The following GSE1 variants were observed in gnomAD, a reference collection of about 807,000 sequenced individuals.
GSE1 encodes genetic suppressor element 1.
A neutral mutation model predicts 112.6 loss-of-function variants in GSE1; 32 were observed. That is an observed-to-expected ratio of 0.28 (90% CI 0.21 to 0.38). GSE1 has a LOEUF of 0.38. GSE1 is among the 10% of genes least tolerant of loss of function. GSE1 has a pLI of 1.00. For missense variants in GSE1, 2,348 were observed against 1,699.2 expected, an observed-to-expected ratio of 1.38 and a Z score of -6.71; for synonymous variants, 1,115 against 735.6, an observed-to-expected ratio of 1.52 and a Z score of -8.35.
intron 2 of GSE1, among the ~76,000 whole-genome samples, chr16:85,636,476 C>T (rs190893797): frequency 6.6e-6 from 1 of 152,334 alleles, no homozygotes; most frequent in African/African-American, 2.4e-5. Context: ...GTGACTCGTT[C>T]CTCGTGACCT....
chr16:85,201,439 C>T (rs1236365957), intron 1 of GSE1, among the ~76,000 whole-genome samples: 2 of 151,198 alleles, frequency 1.3e-5, no homozygotes, highest in Non-Finnish European at 2.9e-5. Flanking sequence ...CGGTGGATTG[C>T]TTGAGGTCAG....
intron 2 of GSE1, among the ~76,000 whole-genome samples, chr16:85,389,968 A>G (rs2047800045): frequency 6.6e-6 from 1 of 152,200 alleles, no homozygotes; most frequent in African/African-American, 2.4e-5. Flanking sequence ...CCCAGGGGAA[A>G]GTGAGGCATG....
intron 2 of GSE1, among the ~76,000 whole-genome samples, chr16:85,516,457 CAAAAAAAAA>C (rs71151299): frequency 1.6e-4 from 11 of 69,444 alleles, no homozygotes; most frequent in African/African-American, 4.1e-4. Flanking sequence ...CCCATCTCTA[CAAAAAAAAA>C]AAAAAAAAAA....
intron 1 of GSE1, among the ~76,000 whole-genome samples, chr16:85,592,115 G>T (rs1157148188): frequency 6.6e-6 from 1 of 152,004 alleles, no homozygotes; most frequent in African/African-American, 2.4e-5. Flanking sequence ...GAGCTTTTCT[G>T]TGCAGATTTT....
intron 1 of GSE1, among the ~76,000 whole-genome samples, chr16:85,242,709 C>G (rs1905260474): frequency 6.6e-6 from 1 of 152,196 alleles, no homozygotes; most frequent in African/African-American, 2.4e-5. Flanking sequence ...AATGCTGGCC[C>G]TGCTCCTGGG....
chr16:85,587,787 G>A (rs559557460), intron 1 of GSE1, among the ~76,000 whole-genome samples: 3 of 152,120 alleles, frequency 2.0e-5, no homozygotes, highest in African/African-American at 7.2e-5. Flanking sequence ...TTTCCTGCCG[G>A]TTGGCAAAGA....
intron 1 of GSE1, among the ~76,000 whole-genome samples, chr16:85,220,395 G>A (rs2075370877): frequency 6.6e-6 from 1 of 152,212 alleles, no homozygotes; most frequent in African/African-American, 2.4e-5. Flanking sequence ...CGGCGGCGCA[G>A]ATGGAAACTC....
At chr16:85,403,411 C>T (rs983898604) in intron 2 of GSE1, among the ~76,000 whole-genome samples, 1 of 152,178 alleles carries the variant, frequency 6.6e-6, no homozygotes, top group Non-Finnish European at 1.5e-5. Context: ...CTGCCCCCAA[C>T]ACTGAGTGTT....
intron 2 of GSE1, among the ~76,000 whole-genome samples, chr16:85,442,045 C>A (rs1281539641): frequency 1.3e-5 from 2 of 152,210 alleles, no homozygotes; most frequent in Admixed American, 1.3e-4. Context: ...GCCACACTGA[C>A]CACCTTGCTG....
In GSE1 at chr16:85,260,180, A is replaced by G. The variant is rs934458273; in HGVS notation, c.2283+88373A>G. Among the ~76,000 whole-genome samples, 50 of 152,144 alleles carry G rather than the reference A, an allele frequency of 3.3e-4. 1 individual carries two copies. The highest frequency in any genetic ancestry group is 1.1e-3 in the African/African-American group (47 of 41,444). Reference sequence around the variant, plus strand: ...TCCAGACTGGGGCTCACGGCAGCCCACTGCCCTCCCATGGTACCTGGACAC... The same window carrying G: ...TCCAGACTGGGGCTCACGGCAGCCCGCTGCCCTCCCATGGTACCTGGACAC... On this transcript the variant is annotated intron_variant, in intron 1 of 2. Coordinates refer to the GSE1 transcript ENST00000637419.
intron 3 of GSE1, 111 bp from the exon 4 acceptor site, chr16:85,654,167 A>G (rs1162269120): frequency 1.6e-5 from 16 of 978,142 alleles, no homozygotes; most frequent in Non-Finnish European, 2.3e-5. Flanking sequence ...GGATGTTTCT[A>G]GAACATGAAC....
chr16:85,541,487 T>G (rs1190165727), intron 2 of GSE1, among the ~76,000 whole-genome samples: 2 of 152,232 alleles, frequency 1.3e-5, no homozygotes, highest in Non-Finnish European at 2.9e-5. Flanking sequence ...AACCCTTTTC[T>G]AAGTCCGGCT....
chr16:85,592,939 G>C (rs1284741151), intron 1 of GSE1: 1 of 152,400 alleles, frequency 6.6e-6, no homozygotes, highest in African/African-American at 2.4e-5. Flanking sequence ...ACTCCCTCAT[G>C]GCTGCCTCTC....
At chr16:85,400,254 TG>T (rs1555578069) in intron 2 of GSE1, among the ~76,000 whole-genome samples, 2 of 8,128 alleles carry the variant, frequency 2.5e-4, no homozygotes, top group Non-Finnish European at 3.1e-3. Flanking sequence ...TAGGGTTGTG[TG>T]TGTGTGTGTG....
At chr16:85,450,078 G>A (rs2049630834) in intron 2 of GSE1, among the ~76,000 whole-genome samples, 1 of 150,380 alleles carries the variant, frequency 6.6e-6, no homozygotes, top group Non-Finnish European at 1.5e-5. Flanking sequence ...CTGTTACCAT[G>A]GTGGGTACTT....
intron 1 of GSE1, among the ~76,000 whole-genome samples, chr16:85,268,283 A>C (rs1314702382): frequency 6.6e-6 from 1 of 152,010 alleles, no homozygotes; most frequent in African/African-American, 2.4e-5. Context: ...TTTCACACAC[A>C]GCATCGCACA....
rs929074166 is a variant in GSE1, at chr16:85,578,363, C to G, written c.37+22000C>G. 5.3e-5 allele frequency among the ~76,000 whole-genome samples: 8 copies of G among 152,200 alleles called. 1 individual carries two copies. The highest frequency in any genetic ancestry group is 2.9e-5 in the Non-Finnish European group (2 of 68,028). On this transcript the variant is annotated intron_variant, in intron 1 of 2. Coordinates refer to the GSE1 transcript ENST00000635906. Reference sequence around the variant, plus strand: ...GCTCCAAGTGCCTGGGCTCCCCAGACGACAGAGGCACAAGTCACTGGGCCT... The same window carrying G: ...GCTCCAAGTGCCTGGGCTCCCCAGAGGACAGAGGCACAAGTCACTGGGCCT...
In GSE1 at chr16:85,526,517, C is replaced by T. The variant is rs1416541019; in HGVS notation, c.2465-107397C>T. On this transcript the variant is annotated intron_variant, in intron 2 of 2. Transcript: ENST00000637419. ...GGGGAGAGAGGTGGATCTTCAAAGG[C>T]AGCGGCTGCCTGGGAGCAAGGCTGG... Among the ~76,000 whole-genome samples the T allele has an allele frequency of 3.3e-5, 5 of 152,234 alleles. No homozygotes were observed. The East Asian group carries it at 7.7e-4, about 23-fold the overall frequency.
intron 1 of GSE1, among the ~76,000 whole-genome samples, chr16:85,317,008 C>A (rs1418081419): frequency 6.6e-6 from 1 of 152,198 alleles, no homozygotes; most frequent in Non-Finnish European, 1.5e-5. Flanking sequence ...GGCCCCGTCC[C>A]TGCACTGCTG....
Sources: gnomAD v4.1 joint callset for allele counts (sites outside exome capture counted in the v4.1 genomes callset) on GRCh38, gnomAD v4.1.1 for gene constraint, MANE v1.5 for transcripts, NCBI Gene and HGNC (gene_info 2026-07-23, HGNC 2026-07-21) for gene names.